The following ST8SIA5 variants were observed in gnomAD, a reference collection of about 807,000 sequenced individuals.
ST8SIA5 encodes the protein alpha-2,8-sialyltransferase 8E.
A neutral mutation model predicts 40.2 loss-of-function variants in ST8SIA5; 24 were observed. The ratio of observed to expected loss-of-function variants is 0.60; its 90% CI spans 0.43 to 0.84. The LOEUF (loss-of-function observed/expected upper bound fraction) is 0.84. Ranked by LOEUF, ST8SIA5 falls within the 40% of genes least tolerant of loss-of-function variation. The probability of loss-of-function intolerance (pLI) is 0.00; values close to 1 mark genes in which losing one functional copy is unlikely to be tolerated. For missense variants in ST8SIA5, 465 were observed against 498.5 expected, an observed-to-expected ratio of 0.93 and a Z score of 0.64; for synonymous variants, 198 against 201.8, an observed-to-expected ratio of 0.98 and a Z score of 0.16.
rs148913302 is a variant in ST8SIA5 at position 46,756,379 on chromosome 18, T to C, written c.130A>G (p.Arg44Gly). 58 of 1,612,124 alleles carry C rather than the reference T, an allele frequency of 3.6e-5. No individual in the cohort carries two copies. In the East Asian group the frequency reaches 1.3e-3, roughly 36 times the overall value. ...CGCCCTCTCAATGGACTTTCTTACC[T>C]CTTAATGTAGTTCCTGCCATACAGG... Reference protein sequence around the residue: ...QILYGRNYIKRYFEFYEGPFE... With the variant: ...QILYGRNYIKGYFEFYEGPFE... Residue 44 changes from arginine to glycine, a missense_variant and splice_region_variant, in exon 1 of 7, where the codon AGG becomes GGG. Physicochemically the swap from Arg to Gly is moderately radical, Grantham distance 125. Coordinates refer to ENST00000315087, the MANE Select transcript of ST8SIA5 (RefSeq NM_013305.6).
At chr18:46,716,660 G>A (rs1759433806) in intron 1 of ST8SIA5, among the ~76,000 whole-genome samples, 2 of 152,246 alleles carry the variant, frequency 1.3e-5, no homozygotes, top group Admixed American at 6.5e-5. Flanking sequence ...GGGATCCAGA[G>A]GGCCCTGGAG....
Position 46,679,949 on chromosome 18 carries a change from G to T in ST8SIA5, c.*93C>A. The T allele has an allele frequency of 8.2e-7, 1 of 1,225,830 alleles. No individual in the cohort carries two copies. The highest frequency in any genetic ancestry group is 1.1e-6 in the Non-Finnish European group (1 of 890,910). 75.9% of individuals were successfully genotyped at this position (1,225,830 alleles called of 1,614,324 possible). On this transcript the variant is annotated 3_prime_UTR_variant, in exon 7 of 7. Coordinates refer to ENST00000315087, the MANE Select transcript of ST8SIA5 (RefSeq NM_013305.6). ...GAGGGAGAGACAGCCTGAACGCCAGGACCCCACGCTGCCCGGTTCGGGGCT... is the reference window on the plus strand; with the variant it reads ...GAGGGAGAGACAGCCTGAACGCCAGTACCCCACGCTGCCCGGTTCGGGGCT...
Position 46,704,740 on chromosome 18 carries a change from G to T in ST8SIA5, c.132-76C>A, listed in dbSNP as rs1033600000. The stretch of plus-strand genomic sequence containing the variant: ...GGGCCTGCAGGGGCTCTTGTTGCAG[G>T]GTGGAGTGTCTGTCCCAGTGAAATA... On this transcript the variant is annotated intron_variant, in intron 1 of 6. Transcript: ENST00000315087. 3.3e-6 allele frequency: 4 copies of T among 1,216,278 alleles called. No individual in the cohort carries two copies. In the African/African-American group the frequency reaches 4.5e-5, roughly 14 times the overall value. The allele number at this position is 1,216,278 out of a possible 1,614,324, so 75.3% of individuals were successfully genotyped here.
chr18:46,692,261 G>A lies in ST8SIA5; in HGVS notation c.225-6C>T, dbSNP rs1196766068. On this transcript the variant is annotated splice_polypyrimidine_tract_variant and splice_region_variant and intron_variant, in intron 2 of 6. Transcript: ENST00000315087. ...ACAGCTCTGACTGCTTCACCCTTGGGAGTAGAGGACAGAAGAGTACATGAG... is the reference window on the plus strand; with the variant it reads ...ACAGCTCTGACTGCTTCACCCTTGGAAGTAGAGGACAGAAGAGTACATGAG... 2 of 1,613,922 alleles carry A rather than the reference G, an allele frequency of 1.2e-6. No individual in the cohort carries two copies. Among genetic ancestry groups the A allele is most frequent in the East Asian group, 2.2e-5 (1 of 44,894 alleles).
rs903123385 is a variant in ST8SIA5, at chr18:46,674,482, G to A, written c.*5560C>T. The A allele has an allele frequency of 6.6e-6, 1 of 152,198 alleles. No homozygotes were observed. The highest frequency in any genetic ancestry group is 2.4e-5 in the African/African-American group (1 of 41,436). The allele number at this position is 152,198 out of a possible 1,614,324, so 9.4% of individuals were successfully genotyped here. ...TCTCCTCAGCTGACAATTTCCCCAA[G>A]GTGTTACTCAGTTTATTAGCGGGGT... is the stretch of plus-strand genomic sequence containing the variant. On this transcript the variant is annotated 3_prime_UTR_variant, in exon 7 of 7. Coordinates refer to ENST00000315087, the MANE Select transcript of ST8SIA5 (RefSeq NM_013305.6).
chr18:46,697,005 T>G lies in ST8SIA5; in HGVS notation c.225-4750A>C, dbSNP rs535206119. 9.0e-4 allele frequency among the ~76,000 whole-genome samples: 135 copies of G among 150,262 alleles called. 1 individual carries two copies. The highest frequency in any genetic ancestry group is 6.8e-3 in the Middle Eastern group (2 of 292). ...CCTAAAAATGAGAATCAGTTGTGAG[T>G]CTGTAAGCAGAACCATCAAGCCTAC... On this transcript the variant is annotated intron_variant, in intron 2 of 6. Coordinates refer to ENST00000315087, the MANE Select transcript of ST8SIA5 (RefSeq NM_013305.6).
intron 1 of ST8SIA5, 52 bp downstream of exon 1, chr18:46,756,326 G>T: frequency 6.3e-7 from 1 of 1,599,080 alleles, no homozygotes; most frequent in East Asian, 2.3e-5. Context: ...CTGCCACCCG[G>T]GGGCTCGCCG....
At chr18:46,695,767 C>T (rs557044558) in intron 2 of ST8SIA5, among the ~76,000 whole-genome samples, 644 of 152,274 alleles carry the variant, frequency 4.2e-3, no homozygotes, top group African/African-American at 0.015. Context: ...ATAGCAGATG[C>T]GTGGTAAATA....
At chr18:46,738,186 C>T (rs1447960085) in intron 1 of ST8SIA5, among the ~76,000 whole-genome samples, 1 of 150,602 alleles carries the variant, frequency 6.6e-6, no homozygotes, top group Non-Finnish European at 1.5e-5. Flanking sequence ...AAGTGAATGA[C>T]CTGGATACAT....
chr18:46,699,540 T>C (rs554789018), intron 2 of ST8SIA5, among the ~76,000 whole-genome samples: 1 of 152,158 alleles, frequency 6.6e-6, no homozygotes, highest in South Asian at 2.1e-4. Context: ...CTACTACGCC[T>C]GGCTAATTTT....
chr18:46,692,021 C>G, intron 3 of ST8SIA5, 148 bp downstream of exon 3: 1 of 743,990 alleles, frequency 1.3e-6, no homozygotes. Flanking sequence ...CAGATCTCCC[C>G]CACTGCCCGG....
chr18:46,699,107 G>T (rs2039585588), intron 2 of ST8SIA5, among the ~76,000 whole-genome samples: 1 of 152,158 alleles, frequency 6.6e-6, no homozygotes, highest in Non-Finnish European at 1.5e-5. Context: ...AATGTTATCG[G>T]CCTTGTCATT....
At position 46,674,016 on chromosome 18, in the gene ST8SIA5, G is replaced by A. The variant is rs1425061525; in HGVS notation, c.*6026C>T. 1 of 152,168 alleles carries A rather than the reference G, an allele frequency of 6.6e-6. No individual in the cohort carries two copies. The highest frequency in any genetic ancestry group is 2.4e-5 in the African/African-American group (1 of 41,430). The allele number at this position is 152,168 out of a possible 1,614,324, so 9.4% of individuals were successfully genotyped here. A position where few individuals can be genotyped will look rare whatever the true frequency, so the allele number is the denominator to read the frequency against. ...CCCCAGGAAACAACCCCATGCTCCTGGTCTTCCCCTTCGCATCTGGAGCAG... is the reference window on the plus strand; with the variant it reads ...CCCCAGGAAACAACCCCATGCTCCTAGTCTTCCCCTTCGCATCTGGAGCAG... On this transcript the variant is annotated 3_prime_UTR_variant, in exon 7 of 7. Transcript: ENST00000315087.
In ST8SIA5 at chr18:46,677,446, G is replaced by C. The variant is rs2039347520; in HGVS notation, c.*2596C>G. On this transcript the variant is annotated 3_prime_UTR_variant, in exon 7 of 7. Coordinates refer to ENST00000315087, the MANE Select transcript of ST8SIA5 (RefSeq NM_013305.6). Reference sequence around the variant, plus strand: ...TGATGATTACAGGAGATAATATAGGGAAAGTGCTTAACGTAGCTTGATAAA... The same window carrying C: ...TGATGATTACAGGAGATAATATAGGCAAAGTGCTTAACGTAGCTTGATAAA... 1 of 152,226 alleles carries C rather than the reference G, an allele frequency of 6.6e-6. No homozygotes were observed. Among genetic ancestry groups the C allele is most frequent in the Non-Finnish European group, 1.5e-5 (1 of 68,036 alleles). 9.4% of individuals were successfully genotyped at this position (152,226 alleles called of 1,614,324 possible).
chr18:46,696,885 A>G (rs1050284451), intron 2 of ST8SIA5, among the ~76,000 whole-genome samples: 1 of 152,202 alleles, frequency 6.6e-6, no homozygotes, highest in Admixed American at 6.5e-5. Flanking sequence ...ACAAGAGAGT[A>G]GCACAAGGAC....
chr18:46,698,956 C>A (rs1485515498), intron 2 of ST8SIA5, among the ~76,000 whole-genome samples: 1 of 152,220 alleles, frequency 6.6e-6, no homozygotes, highest in Non-Finnish European at 1.5e-5. Flanking sequence ...TTGATGGAGT[C>A]CTGGTGCCTC....
chr18:46,737,000 G>A (rs1255490964), intron 1 of ST8SIA5, among the ~76,000 whole-genome samples: 6 of 152,136 alleles, frequency 3.9e-5, no homozygotes. Context: ...AGTCCCTTGT[G>A]CCCCACGTCA....
Position 46,756,543 on chromosome 18 carries a change from G to A in ST8SIA5, c.-35C>T. ...CGGGCGCCGCGGGCGCGGGGTACGGGGCGGCCAGGCAATGACTCGCGGGGT... is the reference window on the plus strand; with the variant it reads ...CGGGCGCCGCGGGCGCGGGGTACGGAGCGGCCAGGCAATGACTCGCGGGGT... On this transcript the variant is annotated 5_prime_UTR_variant, in exon 1 of 7. Coordinates refer to ENST00000315087, the MANE Select transcript of ST8SIA5 (RefSeq NM_013305.6). 6.2e-7 allele frequency: 1 copy of A among 1,608,856 alleles called. No homozygotes were observed.
intron 1 of ST8SIA5, among the ~76,000 whole-genome samples, chr18:46,753,245 C>G (rs1261248113): frequency 6.6e-6 from 1 of 152,112 alleles, no homozygotes; most frequent in Non-Finnish European, 1.5e-5. Flanking sequence ...TGCTGGACAC[C>G]AAGTTTGGTG....
Sources: allele counts gnomAD v4.1 joint callset (sites outside exome capture counted in the v4.1 genomes callset), GRCh38; gene constraint gnomAD v4.1.1; transcripts MANE v1.5; gene names NCBI Gene and HGNC (gene_info 2026-07-23, HGNC 2026-07-21).